SGCD: variants seen among roughly 807,000 people sequenced by gnomAD.
SGCD encodes sarcoglycan delta, also known as delta-sarcoglycan.
In SGCD, 18 loss-of-function variants were observed where a neutral mutation model predicts 36.6. The ratio of observed to expected loss-of-function variants is 0.49; its 90% CI spans 0.34 to 0.73. The LOEUF (loss-of-function observed/expected upper bound fraction) is 0.73. Ranked by LOEUF, SGCD falls within the 30% of genes least tolerant of loss-of-function variation. SGCD has a pLI of 0.01. For synonymous variants in SGCD, 133 were observed against 130.6 expected (o/e 1.02, Z -0.12); for missense variants, 387 against 346.7 (o/e 1.12, Z -0.92).
chr5:156,087,845 A>G (rs1761140505), intron 1 of SGCD, among the ~76,000 whole-genome samples: 1 of 152,108 alleles, frequency 6.6e-6, no homozygotes, highest in African/African-American at 2.4e-5. Flanking sequence ...CCAGCGAAAA[A>G]TGTACTTGGT....
chr5:156,626,869 G>A (rs2113518733), intron 6 of SGCD, among the ~76,000 whole-genome samples: 1 of 152,290 alleles, frequency 6.6e-6, no homozygotes, highest in African/African-American at 2.4e-5. Flanking sequence ...CAAAGGATAA[G>A]ATGGACCTAT....
intron 3 of SGCD, among the ~76,000 whole-genome samples, chr5:156,131,452 C>T (rs184090090): frequency 2.0e-5 from 3 of 152,212 alleles, no homozygotes; most frequent in South Asian, 2.1e-4. Flanking sequence ...TGGTTACTTA[C>T]GAGCCCTCTA....
intron 1 of SGCD, among the ~76,000 whole-genome samples, chr5:155,996,328 T>C (rs1204084935): frequency 6.6e-6 from 1 of 152,102 alleles, no homozygotes; most frequent in Non-Finnish European, 1.5e-5. Context: ...CCCTCTTCAT[T>C]TGCATGACAG....
At chr5:156,072,491 G>A (rs1046087796) in intron 1 of SGCD, among the ~76,000 whole-genome samples, 10 of 151,918 alleles carry the variant, frequency 6.6e-5, no homozygotes, top group South Asian at 2.1e-4. Flanking sequence ...AGTTTCTGCC[G>A]AGAGATCCGC....
chr5:156,187,749 C>A (rs1258311290), intron 3 of SGCD, among the ~76,000 whole-genome samples: 3 of 152,042 alleles, frequency 2.0e-5, no homozygotes, highest in East Asian at 1.9e-4. Context: ...GTGGGAAAGA[C>A]CTTGAATGAG....
chr5:156,540,996 G>A (rs542019749), intron 4 of SGCD, among the ~76,000 whole-genome samples: 7 of 152,310 alleles, frequency 4.6e-5, no homozygotes, highest in African/African-American at 1.7e-4. Flanking sequence ...AGAAGACAAA[G>A]TGTGACGTAA....
intron 1 of SGCD, among the ~76,000 whole-genome samples, chr5:155,882,482 G>A (rs917106978): frequency 6.6e-6 from 1 of 152,176 alleles, no homozygotes; most frequent in Admixed American, 6.5e-5. Flanking sequence ...GGCAGCTATA[G>A]CCTTACCAAA....
At chr5:156,538,400 T>A (rs1034836692) in intron 4 of SGCD, among the ~76,000 whole-genome samples, 1 of 152,098 alleles carries the variant, frequency 6.6e-6, no homozygotes, top group Non-Finnish European at 1.5e-5. Context: ...AGAATGATTT[T>A]TTTTCTCTCC....
In SGCD at chr5:156,626,976, G is replaced by A. The variant is rs550847315; in HGVS notation, c.503-20488G>A. On this transcript the variant is annotated intron_variant, in intron 6 of 8. Coordinates refer to ENST00000337851, the MANE Select transcript of SGCD (RefSeq NM_000337.6). Reference sequence around the variant, plus strand: ...ACAGTAACAGAGGTGTGATCTCATAGTTTGATGTATTTCTTTAAAATTCTG... The same window carrying A: ...ACAGTAACAGAGGTGTGATCTCATAATTTGATGTATTTCTTTAAAATTCTG... 6.6e-5 allele frequency among the ~76,000 whole-genome samples: 10 copies of A among 152,320 alleles called. 1 individual carries two copies. Among genetic ancestry groups the A allele is most frequent in the African/African-American group, 2.2e-4 (9 of 41,568 alleles).
upstream of SGCD, among the ~76,000 whole-genome samples, chr5:156,324,504 T>A (rs1394866711): frequency 2.0e-5 from 3 of 152,206 alleles, no homozygotes; most frequent in Non-Finnish European, 4.4e-5. Context: ...TTCTTAACAT[T>A]AGAAGAATTA....
intron 3 of SGCD, among the ~76,000 whole-genome samples, chr5:156,409,508 T>G (rs1185571982): frequency 1.3e-5 from 2 of 152,170 alleles, no homozygotes; most frequent in African/African-American, 4.8e-5. Flanking sequence ...CGGGCCCGGC[T>G]GGGCCCTTAT....
rs891654477 is a variant in SGCD, at chr5:155,959,943, A to G, written c.-282+89519A>G. ...GCTTTCAGAAGTCCTCTGAGCTTTC[A>G]TACCATGGCATATGGCTCCAAGGCC... On this transcript the variant is annotated intron_variant, in intron 1 of 9. Transcript: ENST00000517913. Among the ~76,000 whole-genome samples the G allele has an allele frequency of 2.6e-5, 4 of 152,220 alleles. No homozygotes were observed. The Middle Eastern group carries it at 0.01, about 388-fold the overall frequency.
At chr5:156,067,978 T>C (rs897724738) in intron 1 of SGCD, among the ~76,000 whole-genome samples, 7 of 151,698 alleles carry the variant, frequency 4.6e-5, no homozygotes, top group African/African-American at 1.7e-4. Context: ...CACTTTTTTT[T>C]TTTTAATTGG....
intron 3 of SGCD, among the ~76,000 whole-genome samples, chr5:156,376,441 AC>A (rs1313457061): frequency 6.6e-6 from 1 of 152,246 alleles, no homozygotes; most frequent in Non-Finnish European, 1.5e-5. Flanking sequence ...TGAAAGGTGA[AC>A]ATAAATTTTT....
intron 4 of SGCD, among the ~76,000 whole-genome samples, chr5:156,532,436 C>T (rs1187206093): frequency 6.6e-6 from 1 of 151,952 alleles, no homozygotes; most frequent in Non-Finnish European, 1.5e-5. Flanking sequence ...AGATACAGTG[C>T]TAATGTAAAA....
intron 3 of SGCD, among the ~76,000 whole-genome samples, chr5:156,271,914 T>C (rs1438481002): frequency 1.3e-5 from 2 of 152,240 alleles, no homozygotes; most frequent in African/African-American, 4.8e-5. Flanking sequence ...TTAAAATTTA[T>C]GCTGAAAAGA....
At chr5:156,572,849 C>T (rs1759777580) in intron 4 of SGCD, among the ~76,000 whole-genome samples, 1 of 152,056 alleles carries the variant, frequency 6.6e-6, no homozygotes, top group African/African-American at 2.4e-5. Flanking sequence ...AATATATGTG[C>T]TTTTCCTGTG....
At chr5:156,193,309 T>C (rs1763939507) in intron 3 of SGCD, among the ~76,000 whole-genome samples, 1 of 152,180 alleles carries the variant, frequency 6.6e-6, no homozygotes, top group African/African-American at 2.4e-5. Context: ...GCGTGCTTTT[T>C]CCCTGCTTGC....
At chr5:156,119,555 C>A (rs889534489) in intron 2 of SGCD, among the ~76,000 whole-genome samples, 6 of 152,068 alleles carry the variant, frequency 3.9e-5, no homozygotes, top group African/African-American at 1.4e-4. Context: ...TTCTTTAATT[C>A]CCAGTAGGAC....
Sources: gnomAD v4.1 joint callset for allele counts (sites outside exome capture counted in the v4.1 genomes callset) on GRCh38, gnomAD v4.1.1 for gene constraint, MANE v1.5 for transcripts, NCBI Gene and HGNC (gene_info 2026-07-23, HGNC 2026-07-21) for gene names.